DYNC2H1: variants seen among roughly 807,000 people sequenced by gnomAD.
DYNC2H1 encodes the protein dynein cytoplasmic 2 heavy chain 1.
Under a neutral mutation model 570.0 loss-of-function variants are expected in DYNC2H1, and 410 were observed. The observed-to-expected ratio is 0.72, with a 90% CI of 0.66 to 0.78. DYNC2H1 has a LOEUF of 0.78. DYNC2H1 is among the 30% of genes least tolerant of loss of function. DYNC2H1 has a pLI of 0.00. For missense variants in DYNC2H1, 4,865 were observed against 5,046.4 expected (o/e 0.96, Z 1.09); for synonymous variants, 1,688 against 1,677.6 (o/e 1.01, Z -0.15).
At chr11:103,117,967 A>T in intron 6 of DYNC2H1, 104 bp downstream of exon 6, 1 of 962,430 alleles carries the variant, frequency 1.0e-6, no homozygotes, top group Non-Finnish European at 1.4e-6. Flanking sequence ...TCTGCTGGAA[A>T]TTAGTTTTGT....
At position 103,395,265 on chromosome 11, in the gene DYNC2H1, G is replaced by A. The variant is rs1012929840; in HGVS notation, c.12157-4398G>A. Among the ~76,000 whole-genome samples, 1 of 151,852 alleles carries A rather than the reference G, an allele frequency of 6.6e-6. No individual in the cohort carries two copies. On this transcript the variant is annotated intron_variant, in intron 83 of 88. Coordinates refer to ENST00000375735, the MANE Select transcript of DYNC2H1 (RefSeq NM_001377.3). The surrounding 1 kb of genome is among the most constrained non-coding windows in gnomAD (Gnocchi z 4.3). ...TATATGATTGAAAAGGTGTTAAAATGTTTTTTTCATAGCTTGTTTCAAGAA... is the reference window on the plus strand; with the variant it reads ...TATATGATTGAAAAGGTGTTAAAATATTTTTTTCATAGCTTGTTTCAAGAA...
Position 103,294,430 on chromosome 11 carries a change from A to G in DYNC2H1, c.11095+6825A>G, listed in dbSNP as rs192998132. ...TTTTCACTAAAGCTGTTTTAGCACT[A>G]TTGGGAACCCTAAGCCCAAGAACTC... On this transcript the variant is annotated intron_variant, in intron 75 of 88. Coordinates refer to ENST00000375735, the MANE Select transcript of DYNC2H1 (RefSeq NM_001377.3). 2.3e-4 allele frequency among the ~76,000 whole-genome samples: 35 copies of G among 152,292 alleles called. 1 individual carries two copies. In the South Asian group the frequency reaches 2.9e-3, roughly 13 times the overall value.
In DYNC2H1 at chr11:103,457,191, A is replaced by G. The variant is rs1944816392; in HGVS notation, c.12648+835A>G. 2.0e-5 allele frequency among the ~76,000 whole-genome samples: 3 copies of G among 152,260 alleles called. No individual in the cohort carries two copies. The South Asian group carries it at 6.2e-4, about 31-fold the overall frequency. ...GCTGCCAGTTATATAAAAGTAAAGCACATATAATTATGTATAGTACATAAT... is the reference window on the plus strand; with the variant it reads ...GCTGCCAGTTATATAAAAGTAAAGCGCATATAATTATGTATAGTACATAAT... On this transcript the variant is annotated intron_variant, in intron 87 of 88. Coordinates refer to ENST00000375735, the MANE Select transcript of DYNC2H1 (RefSeq NM_001377.3).
rs369267972 is a variant in DYNC2H1, at chr11:103,152,179, T to C, written c.2990T>C (p.Leu997Ser). The C allele has an allele frequency of 1.6e-5, 25 of 1,609,876 alleles. No individual in the cohort carries two copies. The highest frequency in any genetic ancestry group is 1.3e-4 in the African/African-American group (10 of 74,780). The change falls in exon 21 of 89, where the codon TTA becomes TCA. Residue 997 changes from leucine (L) to serine (S), a missense_variant. Transcript: ENST00000375735. ...GAAGCTGAAGACAAAAACAGACTTT[T>C]ACGAACTGTGGCTGGTGGAGGTTTA... ...FQEAEDKNRL[L>S]RTVAGGGLET...
At chr11:103,158,114 C>G (rs1860914004) in intron 26 of DYNC2H1, among the ~76,000 whole-genome samples, 1 of 152,148 alleles carries the variant, frequency 6.6e-6, no homozygotes, top group African/African-American at 2.4e-5. Flanking sequence ...ATGTCTTTTG[C>G]TGTCACTGGA....
chr11:103,248,232 G>A (rs903374212), intron 65 of DYNC2H1, among the ~76,000 whole-genome samples: 1 of 151,864 alleles, frequency 6.6e-6, no homozygotes, highest in Non-Finnish European at 1.5e-5. Flanking sequence ...CATTCATCTT[G>A]AGTTGTGCCT....
At chr11:103,408,532 C>G (rs75342661) in intron 84 of DYNC2H1, among the ~76,000 whole-genome samples, 1 of 151,942 alleles carries the variant, frequency 6.6e-6, no homozygotes, top group African/African-American at 2.4e-5. Flanking sequence ...GAAGTAGGCC[C>G]TATTTCTCTT....
chr11:103,182,389 TG>T (rs1168894896), intron 40 of DYNC2H1, among the ~76,000 whole-genome samples: 1 of 151,580 alleles, frequency 6.6e-6, no homozygotes, highest in Non-Finnish European at 1.5e-5. Context: ...AAAGGGATGG[TG>T]AGTTATTTGC....
intron 70 of DYNC2H1, among the ~76,000 whole-genome samples, chr11:103,272,760 A>C (rs1809311386): frequency 6.6e-6 from 1 of 152,026 alleles, no homozygotes; most frequent in South Asian, 2.1e-4. Flanking sequence ...TTTCACTCTA[A>C]TTATAATTAT....
intron 75 of DYNC2H1, among the ~76,000 whole-genome samples, chr11:103,295,577 T>A (rs1419327336): frequency 6.6e-6 from 1 of 152,186 alleles, no homozygotes; most frequent in African/African-American, 2.4e-5. Context: ...ATCTAAGTGG[T>A]ACAATGAAGG....
In DYNC2H1 at chr11:103,256,186, A is replaced by C. The variant is rs761186294; in HGVS notation, c.10407A>C (p.Ala3469=). Residue 3469 remains alanine, a synonymous_variant, in exon 68 of 89, where the codon GCA becomes GCC. Coordinates refer to ENST00000375735, the MANE Select transcript of DYNC2H1 (RefSeq NM_001377.3). The surrounding 1 kb of genome is among the most constrained non-coding windows in gnomAD (Gnocchi z 4.0). Reference sequence around the variant, plus strand: ...TGAATCAGACAAAAGCAAGCAGTGCACTTATTCAAGAGTCACTTAAAGAAT... The same window carrying C: ...TGAATCAGACAAAAGCAAGCAGTGCCCTTATTCAAGAGTCACTTAAAGAAT... ...ESLNQTKASS[A]LIQESLKESY... The C allele has an allele frequency of 9.9e-6, 16 of 1,608,810 alleles. No individual in the cohort carries two copies. In the Admixed American group the frequency reaches 2.5e-4, roughly 25 times the overall value.
At chr11:103,259,420 A>T (rs113343834) in intron 69 of DYNC2H1, among the ~76,000 whole-genome samples, 1 of 152,166 alleles carries the variant, frequency 6.6e-6, no homozygotes, top group African/African-American at 2.4e-5. Context: ...TACAGCATCA[A>T]TTTCAAAGTT....
intron 75 of DYNC2H1, among the ~76,000 whole-genome samples, chr11:103,292,632 G>T (rs1208985480): frequency 2.0e-5 from 3 of 152,210 alleles, no homozygotes; most frequent in Non-Finnish European, 4.4e-5. Flanking sequence ...AGCCATGGGG[G>T]CAGATCCCTT....
chr11:103,207,136 G>A (rs1292115366), intron 52 of DYNC2H1, among the ~76,000 whole-genome samples: 2 of 151,536 alleles, frequency 1.3e-5, no homozygotes, highest in African/African-American at 4.9e-5. Context: ...GGCTAGGCTG[G>A]TCTCGAGCTC....
intron 52 of DYNC2H1, among the ~76,000 whole-genome samples, chr11:103,206,800 G>T (rs1565395593): frequency 6.6e-6 from 1 of 152,120 alleles, no homozygotes; most frequent in Non-Finnish European, 1.5e-5. Flanking sequence ...AAGCCGTATT[G>T]GAATACGTTT....
intron 70 of DYNC2H1, among the ~76,000 whole-genome samples, chr11:103,262,755 T>G (rs1467532518): frequency 6.6e-6 from 1 of 151,940 alleles, no homozygotes; most frequent in Non-Finnish European, 1.5e-5. Flanking sequence ...ACATACCAAA[T>G]TGTAAAGACC....
chr11:103,306,729 T>A (rs1303685366), intron 77 of DYNC2H1, among the ~76,000 whole-genome samples: 1 of 152,180 alleles, frequency 6.6e-6, no homozygotes, highest in African/African-American at 2.4e-5. Context: ...ACATCAATTA[T>A]ATTAAAATAA....
In DYNC2H1 at chr11:103,122,863, T is replaced by G; in HGVS notation, c.1524T>G (p.Ser508=). Residue 508 remains serine, a synonymous_variant, in exon 11 of 89, where the codon TCT becomes TCG. Transcript: ENST00000375735. ...DTIKIAEALL[S]DLPGFRCFHQ... ...TCAAGATTGCAGAGGCTCTTTTATC[T>G]GACTTGCCAGGATTTCGATGTTTCC... 1.2e-6 allele frequency: 2 copies of G among 1,613,334 alleles called. No homozygotes were observed. Among genetic ancestry groups the G allele is most frequent in the Admixed American group, 3.3e-5 (2 of 59,916 alleles).
At chr11:103,441,476 G>T (rs531475) in intron 85 of DYNC2H1, among the ~76,000 whole-genome samples, 70,022 of 151,118 alleles carry the variant, frequency 0.46, 17,707 homozygotes, top group African/African-American at 0.67. Flanking sequence ...TATGTATTCT[G>T]CCACTAAAAA....
Sources: allele counts gnomAD v4.1 joint callset (sites outside exome capture counted in the v4.1 genomes callset), GRCh38; gene constraint gnomAD v4.1.1; non-coding constraint Gnocchi (gnomAD v3.1); transcripts MANE v1.5; gene names NCBI Gene and HGNC (gene_info 2026-07-23, HGNC 2026-07-21).